Variants in PITPNC1 observed in about 807,000 individuals in gnomAD.
PITPNC1 encodes the protein cytoplasmic phosphatidylinositol transfer protein 1.
A neutral mutation model predicts 44.7 loss-of-function variants in PITPNC1; 18 were observed. That is an observed-to-expected ratio of 0.40 (90% CI 0.28 to 0.60). The LOEUF (loss-of-function observed/expected upper bound fraction) is 0.60. Ranked by LOEUF, PITPNC1 falls within the 20% of genes least tolerant of loss-of-function variation. The probability of loss-of-function intolerance (pLI) is 0.39; values close to 1 mark genes in which losing one functional copy is unlikely to be tolerated. For missense variants in PITPNC1, 290 were observed against 418.4 expected (o/e 0.69, Z 2.68); for synonymous variants, 141 against 149.6 (o/e 0.94, Z 0.42).
intron 4 of PITPNC1, among the ~76,000 whole-genome samples, chr17:67,571,404 G>C (rs1318236330): frequency 6.6e-6 from 1 of 152,138 alleles, no homozygotes; most frequent in Admixed American, 6.6e-5. Context: ...TTCAAGCCTG[G>C]GCAACAGAAT....
chr17:67,608,261 A>C (rs9892633), intron 5 of PITPNC1, among the ~76,000 whole-genome samples: 4,689 of 147,082 alleles, frequency 0.032, 114 homozygotes, highest in Middle Eastern at 0.11. Flanking sequence ...AAAAAACAAA[A>C]AAAAAAAACC....
intron 5 of PITPNC1, among the ~76,000 whole-genome samples, chr17:67,618,399 T>C (rs1407085779): frequency 6.9e-6 from 1 of 144,276 alleles, no homozygotes; most frequent in Non-Finnish European, 1.5e-5. Flanking sequence ...TATGTATAAC[T>C]TTTATTGGTG....
rs2042611038 is a variant in PITPNC1, at chr17:67,676,802, T to C, written c.682+1260T>C. On this transcript the variant is annotated intron_variant, in intron 8 of 8. Transcript: ENST00000581322. The surrounding 1 kb of genome is among the most constrained non-coding windows in gnomAD (Gnocchi z 4.0). ...GAGCCACATTTAAAAGGCATGGTTC[T>C]ATAAGCTATGGGCTTTTCTTTTTTT... Among the ~76,000 whole-genome samples, 1 of 152,180 alleles carries C rather than the reference T, an allele frequency of 6.6e-6. No homozygotes were observed. The highest frequency in any genetic ancestry group is 2.1e-4 in the South Asian group (1 of 4,834).
At chr17:67,389,613 A>G (rs1162299961) in intron 1 of PITPNC1, among the ~76,000 whole-genome samples, 1 of 152,196 alleles carries the variant, frequency 6.6e-6, no homozygotes, top group Non-Finnish European at 1.5e-5. Context: ...CTGTAAGTGT[A>G]TTAAGAACCA....
At chr17:67,394,677 G>A (rs1474895526) in intron 1 of PITPNC1, among the ~76,000 whole-genome samples, 1 of 152,230 alleles carries the variant, frequency 6.6e-6, no homozygotes, top group South Asian at 2.1e-4. Flanking sequence ...GCCGAGGCGG[G>A]TGGATCATGA....
chr17:67,470,602 C>A (rs963375277), intron 1 of PITPNC1, among the ~76,000 whole-genome samples: 2 of 152,214 alleles, frequency 1.3e-5, no homozygotes, highest in East Asian at 3.9e-4. Context: ...CCCTGCCCGG[C>A]CAGCCGCCCC....
At chr17:67,579,912 C>T (rs1408976103) in intron 5 of PITPNC1, among the ~76,000 whole-genome samples, 1 of 151,262 alleles carries the variant, frequency 6.6e-6, no homozygotes, top group Non-Finnish European at 1.5e-5. Context: ...TGCACTCCAG[C>T]CTGGCAACAG....
At position 67,514,426 on chromosome 17, in the gene PITPNC1, CCT is replaced by C. The variant is rs35485694; in HGVS notation, c.49-18375_49-18374del. Among the ~76,000 whole-genome samples, 892 of 149,086 alleles carry C rather than the reference CCT, an allele frequency of 6.0e-3. 3 individuals carry two copies. The highest frequency in any genetic ancestry group is 0.01 in the Non-Finnish European group (689 of 67,422). On this transcript the variant is annotated intron_variant, in intron 1 of 8. Coordinates refer to ENST00000581322, the MANE Select transcript of PITPNC1 (RefSeq NM_012417.4). ...ATGTTGGCCAGGCTGGTCTTGAACC[CCT>C]GACCTCAGGTGATCCGCCTGCCTCG...
rs1429111650 is a variant in PITPNC1 at position 67,692,963 on chromosome 17, A to T, written c.*75A>T. ...TTTTTTTTTAAGAATCTTCTGATAG[A>T]GAAAAAGACTGCTTTGTCACTCAAA... On this transcript the variant is annotated 3_prime_UTR_variant, in exon 9 of 9. Coordinates refer to ENST00000581322, the MANE Select transcript of PITPNC1 (RefSeq NM_012417.4). 1.5e-5 allele frequency: 14 copies of T among 940,850 alleles called. No homozygotes were observed. Among genetic ancestry groups the T allele is most frequent in the Admixed American group, 1.4e-4 (6 of 44,206 alleles). 58.3% of individuals were successfully genotyped at this position (940,850 alleles called of 1,614,324 possible).
intron 2 of PITPNC1, among the ~76,000 whole-genome samples, chr17:67,547,867 C>T (rs930539954): frequency 1.3e-5 from 2 of 152,136 alleles, no homozygotes; most frequent in African/African-American, 4.8e-5. Flanking sequence ...ATTTCGGGAA[C>T]CTTGGGGAAT....
chr17:67,588,655 G>C (rs894198255), intron 5 of PITPNC1, among the ~76,000 whole-genome samples: 1 of 152,114 alleles, frequency 6.6e-6, no homozygotes, highest in Admixed American at 6.6e-5. Flanking sequence ...ACATCCAGTG[G>C]GAGTCTCAGA....
chr17:67,460,740 CTTTTTTTTTT>C (rs138545288), intron 1 of PITPNC1, among the ~76,000 whole-genome samples: 16 of 121,542 alleles, frequency 1.3e-4, no homozygotes, highest in South Asian at 8.6e-4. Context: ...TTCTTTCTTT[CTTTTTTTTTT>C]TTTTTTTTTT....
At chr17:67,390,222 G>T (rs559269729) in intron 1 of PITPNC1, among the ~76,000 whole-genome samples, 3 of 152,300 alleles carry the variant, frequency 2.0e-5, no homozygotes, top group East Asian at 3.9e-4. Context: ...TACCAGATTT[G>T]GACCAGAATG....
At chr17:67,572,827 G>A (rs1345557112) in intron 4 of PITPNC1, among the ~76,000 whole-genome samples, 4 of 150,724 alleles carry the variant, frequency 2.7e-5, no homozygotes, top group Non-Finnish European at 4.4e-5. Flanking sequence ...ATTTAGGGTG[G>A]GTCCAAATCC....
chr17:67,436,910 T>TG (rs1398279596), intron 1 of PITPNC1, among the ~76,000 whole-genome samples: 10 of 109,744 alleles, frequency 9.1e-5, no homozygotes, highest in African/African-American at 3.5e-4. Context: ...ATAGGGGTGT[T>TG]TTTTTTTTTT....
chr17:67,395,340 T>C (rs2038202533), intron 1 of PITPNC1, among the ~76,000 whole-genome samples: 1 of 151,402 alleles, frequency 6.6e-6, no homozygotes, highest in South Asian at 2.1e-4. Context: ...GGCGGGGAGG[T>C]GTCTTGTTAC....
At chr17:67,635,705 G>T (rs1296558249) in intron 6 of PITPNC1, among the ~76,000 whole-genome samples, 3 of 152,154 alleles carry the variant, frequency 2.0e-5, no homozygotes, top group African/African-American at 7.2e-5. Context: ...GAGTCTAAAA[G>T]AATTGGCCAG....
intron 6 of PITPNC1, among the ~76,000 whole-genome samples, chr17:67,660,524 T>G (rs1290828255): frequency 1.5e-5 from 2 of 135,058 alleles, no homozygotes; most frequent in Non-Finnish European, 1.5e-5. Context: ...TTTATTTTAT[T>G]TATTTATTTA....
chr17:67,511,354 A>G (rs1350307340), intron 1 of PITPNC1, among the ~76,000 whole-genome samples: 2 of 152,210 alleles, frequency 1.3e-5, no homozygotes, highest in Non-Finnish European at 2.9e-5. Flanking sequence ...TTTCTCTAGG[A>G]TAAATTCCTA....
Sources: allele counts gnomAD v4.1 joint callset (sites outside exome capture counted in the v4.1 genomes callset), GRCh38; gene constraint gnomAD v4.1.1; non-coding constraint Gnocchi (gnomAD v3.1); transcripts MANE v1.5; gene names NCBI Gene and HGNC (gene_info 2026-07-23, HGNC 2026-07-21).